Variants in SLC2A9 observed in about 807,000 individuals in gnomAD.
SLC2A9 encodes solute carrier family 2 member 9.
A neutral mutation model predicts 50.6 loss-of-function variants in SLC2A9; 39 were observed. That is an observed-to-expected ratio of 0.77 (90% confidence interval 0.60 to 1.01). The LOEUF (loss-of-function observed/expected upper bound fraction) is 1.01, where lower values mean the gene tolerates loss of function less well. SLC2A9 is among the 50% of genes least tolerant of loss of function. The pLI is 0.00. For synonymous variants in SLC2A9, 324 were observed against 276.9 expected (o/e 1.17, Z -1.69); for missense variants, 686 against 677.6 (o/e 1.01, Z -0.14).
At chr4:9,772,638 C>T (rs1305084220) in intron 1 of SLC2A9, among the ~76,000 whole-genome samples, 3 of 152,130 alleles carry the variant, frequency 2.0e-5, no homozygotes, top group Non-Finnish European at 4.4e-5. Context: ...CAGCTGACTG[C>T]AAATTATTAA....
intron 11 of SLC2A9, among the ~76,000 whole-genome samples, chr4:9,833,560 G>C (rs1318564326): frequency 1.3e-5 from 2 of 152,162 alleles, no homozygotes; most frequent in Non-Finnish European, 2.9e-5. Context: ...GCATGGGGGA[G>C]GGTGCGGCAC....
chr4:10,037,015 C>G (rs1325634149), intron 1 of SLC2A9, among the ~76,000 whole-genome samples: 1 of 152,196 alleles, frequency 6.6e-6, no homozygotes, highest in African/African-American at 2.4e-5. Context: ...GAAATACTGC[C>G]TTTGAGTCAT....
chr4:9,868,924 T>A (rs1732960242), intron 10 of SLC2A9, among the ~76,000 whole-genome samples: 1 of 152,172 alleles, frequency 6.6e-6, no homozygotes, highest in African/African-American at 2.4e-5. Context: ...AGGCATGGGT[T>A]CTGATTCCCT....
At chr4:9,828,730 C>T (rs923968674) in intron 11 of SLC2A9, among the ~76,000 whole-genome samples, 6 of 152,216 alleles carry the variant, frequency 3.9e-5, no homozygotes, top group African/African-American at 7.2e-5. Context: ...CGTTGACTCT[C>T]ATTTTGAAAT....
intron 5 of SLC2A9, among the ~76,000 whole-genome samples, chr4:9,977,320 T>C (rs1159335008): frequency 2.6e-5 from 4 of 152,176 alleles, no homozygotes; most frequent in Admixed American, 2.0e-4. Context: ...TTACAAATTA[T>C]GAAATATGAC....
At chr4:10,030,837 T>C (rs1763921060) in intron 1 of SLC2A9, among the ~76,000 whole-genome samples, 1 of 152,160 alleles carries the variant, frequency 6.6e-6, no homozygotes, top group Non-Finnish European at 1.5e-5. Context: ...GCTTTGCATG[T>C]GTGATGGCAT....
chr4:9,807,111 T>G (rs1489893322), intron 3 of SLC2A9, among the ~76,000 whole-genome samples: 1 of 152,150 alleles, frequency 6.6e-6, no homozygotes, highest in Non-Finnish European at 1.5e-5. Context: ...CTGGCTGGCA[T>G]GTGGATGGAG....
chr4:9,910,514 T>TTC, intron 7 of SLC2A9, among the ~76,000 whole-genome samples: 1 of 152,340 alleles, frequency 6.6e-6, no homozygotes, highest in East Asian at 1.9e-4. Context: ...ATGGCCAACG[T>TTC]TCTCTAGGGA....
chr4:9,914,890 G>T (rs1035747572), intron 7 of SLC2A9, among the ~76,000 whole-genome samples: 1 of 152,272 alleles, frequency 6.6e-6, no homozygotes, highest in Admixed American at 6.5e-5. Context: ...AGCATACAAA[G>T]TAAGGACTCA....
At chr4:9,981,361 G>A (rs2109101610) in intron 4 of SLC2A9, among the ~76,000 whole-genome samples, 1 of 60,190 alleles carries the variant, frequency 1.7e-5, no homozygotes, top group African/African-American at 6.4e-5. Context: ...TGATGGTGGT[G>A]ATGGTGGTCA....
At chr4:9,796,199 C>T (rs558486106), downstream of SLC2A9, among the ~76,000 whole-genome samples, 4 of 152,262 alleles carry the variant, frequency 2.6e-5, no homozygotes, top group East Asian at 5.8e-4. Context: ...AGATAAAAGA[C>T]GTCAATTTCT....
At chr4:9,907,087 CA>C (rs554938423) in intron 8 of SLC2A9, among the ~76,000 whole-genome samples, 2 of 152,348 alleles carry the variant, frequency 1.3e-5, no homozygotes, top group African/African-American at 4.8e-5. Context: ...TCAATCTTGT[CA>C]GTGCAAATCA....
chr4:9,971,448 A>G (rs747832032), intron 5 of SLC2A9, among the ~76,000 whole-genome samples: 4 of 152,234 alleles, frequency 2.6e-5, no homozygotes, highest in African/African-American at 9.7e-5. Context: ...TACAGAATAG[A>G]CAAAAACTTA....
chr4:10,022,293 G>A (rs911188523), upstream of SLC2A9, among the ~76,000 whole-genome samples: 3 of 152,388 alleles, frequency 2.0e-5, no homozygotes, highest in Admixed American at 1.3e-4. Context: ...CCCAAGTGGC[G>A]TGCTGTAAAT....
In SLC2A9 at chr4:9,905,562, T is replaced by C. The variant is rs142141599; in HGVS notation, c.1113+2673A>G. Among the ~76,000 whole-genome samples, 421 of 152,330 alleles carry C rather than the reference T, an allele frequency of 2.8e-3. 1 individual carries two copies. Among genetic ancestry groups the C allele is most frequent in the African/African-American group, 9.6e-3 (400 of 41,570 alleles). ...TTCCCTTCCAGGACTGTGAAGTCAT[T>C]TACCCTCCTTTCTGGGGTTTCCAAG... is the stretch of plus-strand genomic sequence containing the variant. On this transcript the variant is annotated intron_variant, in intron 8 of 11. Coordinates refer to ENST00000264784, the MANE Select transcript of SLC2A9 (RefSeq NM_020041.3).
At chr4:9,993,612 G>A (rs1336016203) in intron 3 of SLC2A9, among the ~76,000 whole-genome samples, 2 of 152,002 alleles carry the variant, frequency 1.3e-5, no homozygotes, top group Non-Finnish European at 2.9e-5. Flanking sequence ...CTTGAAGCTG[G>A]GCCCGTAGCT....
chr4:10,008,891 TGTGCG>T (rs1372070283), intron 2 of SLC2A9, among the ~76,000 whole-genome samples: 2 of 148,980 alleles, frequency 1.3e-5, no homozygotes, highest in African/African-American at 4.9e-5. Context: ...ATCAAATTTC[TGTGCG>T]GTGGTTTTTT....
intron 10 of SLC2A9, among the ~76,000 whole-genome samples, chr4:9,857,896 C>A (rs1044853855): frequency 3.9e-5 from 6 of 152,190 alleles, no homozygotes; most frequent in Non-Finnish European, 8.8e-5. Context: ...CTGAAGCCTA[C>A]TCTGGCATGC....
At chr4:9,911,937 A>G (rs1211011683) in intron 7 of SLC2A9, among the ~76,000 whole-genome samples, 4 of 152,230 alleles carry the variant, frequency 2.6e-5, no homozygotes, top group Non-Finnish European at 4.4e-5. Context: ...TGGCACATAT[A>G]CACCATGGAA....
Sources: gnomAD v4.1 joint callset for allele counts (sites outside exome capture counted in the v4.1 genomes callset) on GRCh38, gnomAD v4.1.1 for gene constraint, MANE v1.5 for transcripts, NCBI Gene and HGNC (gene_info 2026-07-23, HGNC 2026-07-21) for gene names.